The following CEP295 variants were observed in gnomAD, a reference collection of about 807,000 sequenced individuals.
CEP295 encodes the protein centrosomal protein of 295 kDa.
Under a neutral mutation model 291.6 loss-of-function variants are expected in CEP295, and 190 were observed. That is an observed-to-expected ratio of 0.65 (90% CI 0.58 to 0.73). The LOEUF (loss-of-function observed/expected upper bound fraction) is 0.73. Among genes scored for constraint, CEP295 ranks in the 30% least tolerant of loss-of-function variants. The pLI, the probability that CEP295 is intolerant of heterozygous loss-of-function variation, is 0.00. For missense variants in CEP295, 2,863 were observed against 2,949.4 expected, an observed-to-expected ratio of 0.97 and a Z score of 0.68; for synonymous variants, 993 against 1,038.8, an observed-to-expected ratio of 0.96 and a Z score of 0.85.
At chr11:93,691,805 A>T (rs1951565252) in intron 11 of CEP295, 30 bp downstream of exon 11, 1 of 1,402,276 alleles carries the variant, frequency 7.1e-7, no homozygotes, top group Admixed American at 2.1e-5. Flanking sequence ...CCTCAAATTA[A>T]ATTTGACTCC....
chr11:93,718,158 A>C (rs1953411016), intron 18 of CEP295, among the ~76,000 whole-genome samples: 1 of 152,108 alleles, frequency 6.6e-6, no homozygotes. Flanking sequence ...CAGTCCTCTC[A>C]CCTTGGCCTC....
chr11:93,670,157 T>C (rs1352114374), intron 5 of CEP295, among the ~76,000 whole-genome samples: 1 of 152,112 alleles, frequency 6.6e-6, no homozygotes, highest in Non-Finnish European at 1.5e-5. Flanking sequence ...TATTTATTTA[T>C]TGGGGGAAAA....
intron 5 of CEP295, among the ~76,000 whole-genome samples, 186 bp from the exon 6 acceptor site, chr11:93,675,385 A>G (rs1950637503): frequency 6.6e-6 from 1 of 152,126 alleles, no homozygotes; most frequent in African/African-American, 2.4e-5. Flanking sequence ...ATACTGATGA[A>G]TCTGGTACTT....
intron 24 of CEP295, chr11:93,728,366 G>A (rs1937680654): frequency 4.9e-6 from 1 of 202,160 alleles, no homozygotes. Flanking sequence ...ATTCGGCACA[G>A]CCAACCTGCA....
chr11:93,703,524 G>A (rs187832536), intron 17 of CEP295, among the ~76,000 whole-genome samples: 3 of 149,740 alleles, frequency 2.0e-5, no homozygotes, highest in East Asian at 2.0e-4. Flanking sequence ...CTTGCTCCCC[G>A]TTTCCTTTCA....
At position 93,698,489 on chromosome 11, in the gene CEP295, T is replaced by C. The variant is rs1008484124; in HGVS notation, c.3577T>C (p.Leu1193=). 10 of 1,551,858 alleles carry C rather than the reference T, an allele frequency of 6.4e-6. No individual in the cohort carries two copies. The highest frequency in any genetic ancestry group is 1.7e-4 in the Middle Eastern group (1 of 6,016). ...GGAATTTGTACACACAGAAAGTGAA[T>C]TGGAGAAAAGAATTTCTTCTGAACA... The part of the protein sequence containing the change: ...TQEFVHTESE[L]EKRISSEQTG... The change falls in exon 15 of 30, where the codon TTG becomes CTG. Residue 1193 remains leucine, a synonymous_variant. Coordinates refer to ENST00000325212, the MANE Select transcript of CEP295 (RefSeq NM_033395.2).
chr11:93,699,169 A>G lies in CEP295; in HGVS notation c.4257A>G (p.Pro1419=), dbSNP rs1229938479. ...PLNESERNQE[P]CSINSDNIVS... ...ATGAATCTGAAAGAAACCAAGAACC[A>G]TGTTCAATTAACAGTGATAATATAG... The change falls in exon 15 of 30, where the codon CCA becomes CCG. Residue 1419 remains proline, a synonymous_variant. Transcript: ENST00000325212. The G allele has an allele frequency of 3.9e-6, 6 of 1,551,778 alleles. No individual in the cohort carries two copies. In the East Asian group the frequency reaches 9.8e-5, roughly 25 times the overall value.
chr11:93,684,999 C>G (rs1951157456), intron 9 of CEP295, among the ~76,000 whole-genome samples: 1 of 152,146 alleles, frequency 6.6e-6, no homozygotes, highest in Non-Finnish European at 1.5e-5. Context: ...CTTGGCTGTC[C>G]CATAGTTAAA....
intron 7 of CEP295, among the ~76,000 whole-genome samples, chr11:93,682,776 C>G (rs976953470): frequency 1.3e-5 from 2 of 152,148 alleles, no homozygotes; most frequent in Non-Finnish European, 2.9e-5. Flanking sequence ...CATCCTTGCC[C>G]TCCATGCCCT....
chr11:93,706,057 G>A (rs564916725), intron 17 of CEP295, among the ~76,000 whole-genome samples: 1 of 152,174 alleles, frequency 6.6e-6, no homozygotes, highest in South Asian at 2.1e-4. Flanking sequence ...CTGATCCCCT[G>A]GACCCCAGAG....
chr11:93,683,878 A>T, intron 8 of CEP295, 86 bp from the exon 9 acceptor site: 1 of 1,454,530 alleles, frequency 6.9e-7, no homozygotes. Context: ...TTAGATTGAG[A>T]CATTACCGTG....
Position 93,729,926 on chromosome 11 carries a change from G to T in CEP295, c.7624G>T (p.Asp2542Tyr), listed in dbSNP as rs1476350289. Residue 2542 changes from aspartate (D) to tyrosine (Y), a missense_variant, in exon 28 of 30, where the codon GAC (aspartate) becomes TAC (tyrosine). Coordinates refer to ENST00000325212, the MANE Select transcript of CEP295 (RefSeq NM_033395.2). Reference protein sequence around the residue: ...VNKVRASFPEDRKTTQALRHQ... With the variant: ...VNKVRASFPEYRKTTQALRHQ... The stretch of plus-strand genomic sequence containing the variant: ...TAAAGTCAGAGCATCTTTTCCTGAA[G>T]ACAGAAAGACTACACAGGCTCTAAG... 6.5e-7 allele frequency: 1 copy of T among 1,549,314 alleles called. No homozygotes were observed. The highest frequency in any genetic ancestry group is 1.2e-5 in the South Asian group (1 of 83,602).
chr11:93,728,543 C>A, intron 24 of CEP295, 138 bp from the exon 25 acceptor site: 1 of 610,744 alleles, frequency 1.6e-6, no homozygotes, highest in Non-Finnish European at 2.7e-6. Flanking sequence ...ATCTGTTGGT[C>A]TTTGCCAATC....
chr11:93,718,543 A>G (rs949459216), intron 18 of CEP295, among the ~76,000 whole-genome samples: 1 of 152,012 alleles, frequency 6.6e-6, no homozygotes, highest in Non-Finnish European at 1.5e-5. Flanking sequence ...CCTTTCTCTC[A>G]CTTTTATTTT....
In CEP295 at chr11:93,679,494, G is replaced by A. The variant is rs1208737675; in HGVS notation, c.707G>A (p.Arg236Gln). The change falls in exon 7 of 30, where the codon CGG becomes CAG. Residue 236 changes from arginine to glutamine, a missense_variant. Arg to Gln is a conservative substitution (Grantham distance 43, BLOSUM62 1). This residue lies in a region of CEP295 where 554 missense variants were observed against 576.0 expected (regional missense o/e 0.96). Coordinates refer to ENST00000325212, the MANE Select transcript of CEP295 (RefSeq NM_033395.2). ...QKQAAQERMERFEKAHVRGFQ... is the reference protein window; with the variant it reads ...QKQAAQERMEQFEKAHVRGFQ... The stretch of plus-strand genomic sequence containing the variant: ...CAGGCAGCACAAGAGAGAATGGAAC[G>A]GTTTGAAAAGGCACATGTACGGGGA... 2.3e-5 allele frequency: 35 copies of A among 1,551,300 alleles called. No individual in the cohort carries two copies. The highest frequency in any genetic ancestry group is 1.7e-4 in the Middle Eastern group (1 of 6,014).
chr11:93,706,453 T>C (rs1434486931), intron 17 of CEP295, among the ~76,000 whole-genome samples: 1 of 152,234 alleles, frequency 6.6e-6, no homozygotes, highest in Non-Finnish European at 1.5e-5. Context: ...TTTTGAACTT[T>C]ATATATAAAT....
In CEP295 at chr11:93,724,150, G is replaced by A. The variant is rs552106878; in HGVS notation, c.6197-104G>A. 8.0e-4 allele frequency: 865 copies of A among 1,075,986 alleles called. 15 individuals are homozygous for A. The South Asian group carries it at 0.013, about 17-fold the overall frequency. 66.7% of individuals were successfully genotyped at this position (1,075,986 alleles called of 1,614,324 possible). On this transcript the variant is annotated intron_variant, in intron 21 of 29. Coordinates refer to ENST00000325212, the MANE Select transcript of CEP295 (RefSeq NM_033395.2). ...ACACTGGAGTTACCTGAAAATAAGC[G>A]TTTATGAATATGTTCTTAATACTCC...
At chr11:93,667,913 C>A in intron 3 of CEP295, 106 bp downstream of exon 3, 1 of 785,860 alleles carries the variant, frequency 1.3e-6, no homozygotes, top group Non-Finnish European at 2.0e-6. Context: ...CATTGAATTT[C>A]TTTGGGGCAG....
In CEP295 at chr11:93,730,113, G is replaced by T. The variant is rs1454010863; in HGVS notation, c.7732G>T (p.Ala2578Ser). 6.4e-7 allele frequency: 1 copy of T among 1,551,004 alleles called. No homozygotes were observed. Among genetic ancestry groups the T allele is most frequent in the Admixed American group, 2.0e-5 (1 of 50,872 alleles). The change falls in exon 29 of 30, where the codon GCC becomes TCC. Residue 2578 changes from alanine to serine, a missense_variant. Transcript: ENST00000325212. ...AGAAAAAACAAAACAAGAAGCTTATGCCCAAAACAGAGCAAGGGCAAAAGA... is the reference window on the plus strand; with the variant it reads ...AGAAAAAACAAAACAAGAAGCTTATTCCCAAAACAGAGCAAGGGCAAAAGA... Reference protein sequence around the residue: ...KEEKTKQEAYAQNRARAKEFH... With the variant: ...KEEKTKQEAYSQNRARAKEFH...
Sources: allele counts gnomAD v4.1 joint callset (sites outside exome capture counted in the v4.1 genomes callset), GRCh38; gene constraint gnomAD v4.1.1; regional missense constraint gnomAD v4.1.1; transcripts MANE v1.5; gene names NCBI Gene and HGNC (gene_info 2026-07-23, HGNC 2026-07-21).